The following ADAR variants were observed in gnomAD, a reference collection of about 807,000 sequenced individuals.
ADAR encodes the protein adenosine deaminase RNA specific.
ADAR carries 41 observed loss-of-function variants against 113.2 expected under a neutral mutation model. The ratio of observed to expected loss-of-function variants is 0.36; its 90% CI spans 0.28 to 0.47. The LOEUF (loss-of-function observed/expected upper bound fraction) is 0.47. Ranked by LOEUF, ADAR falls within the 20% of genes least tolerant of loss-of-function variation. The pLI is 1.00. For missense variants in ADAR, 1,242 were observed against 1,540.9 expected (o/e 0.81, Z 3.25); for synonymous variants, 605 against 572.6 (o/e 1.06, Z -0.81).
intron 3 of ADAR, among the ~76,000 whole-genome samples, 166 bp from the exon 4 acceptor site, chr1:154,598,142 G>A (rs1697628082): frequency 6.6e-6 from 1 of 152,218 alleles, no homozygotes; most frequent in African/African-American, 2.4e-5. Flanking sequence ...TCTTCCAAGA[G>A]AGGAGATTGG....
upstream of ADAR, chr1:154,608,309 C>T: frequency 2.2e-6 from 1 of 462,492 alleles, no homozygotes; most frequent in East Asian, 3.8e-5. Context: ...CCCTCCGCTG[C>T]ATGAGAACTA....
chr1:154,598,367 G>A, intron 3 of ADAR, 35 bp downstream of exon 3: 1 of 1,606,660 alleles, frequency 6.2e-7, no homozygotes. Flanking sequence ...CACTGACAGG[G>A]AACTGATCCT....
chr1:154,620,422 A>C (rs1698758808), intron 1 of ADAR, among the ~76,000 whole-genome samples: 1 of 152,110 alleles, frequency 6.6e-6, no homozygotes, highest in Non-Finnish European at 1.5e-5. Flanking sequence ...AAAAACAAAC[A>C]ATGGTTTAAG....
At chr1:154,604,458 C>T (rs543477120) in intron 1 of ADAR, among the ~76,000 whole-genome samples, 11 of 152,376 alleles carry the variant, frequency 7.2e-5, no homozygotes, top group Admixed American at 7.2e-4. Context: ...TTCTCCAAAG[C>T]TTCCCAGTGG....
chr1:154,619,224 A>G (rs975458476), intron 1 of ADAR, among the ~76,000 whole-genome samples: 4 of 152,224 alleles, frequency 2.6e-5, no homozygotes, highest in African/African-American at 9.6e-5. Flanking sequence ...CCCCAGCCCC[A>G]GAGGAAGGAT....
At chr1:154,600,622 C>A in intron 2 of ADAR, 1 of 265,476 alleles carries the variant, frequency 3.8e-6, no homozygotes, top group Non-Finnish European at 7.4e-6. Context: ...TACAGGTGCA[C>A]GCCACCACGC....
Position 154,584,596 on chromosome 1 carries a change from A to G in ADAR, c.*210T>C, listed in dbSNP as rs1696621471. On this transcript the variant is annotated 3_prime_UTR_variant, in exon 15 of 15. Coordinates refer to ENST00000368474, the MANE Select transcript of ADAR (RefSeq NM_001111.5). ...AGGTTTCTGCCTCTTCACTTGGGGG[A>G]AAAAAGGGGGGCCTGGCCAGACCTT... 1.8e-6 allele frequency: 1 copy of G among 561,676 alleles called. No homozygotes were observed. Among genetic ancestry groups the G allele is most frequent in the Admixed American group, 3.1e-5 (1 of 32,138 alleles). 34.8% of individuals were successfully genotyped at this position (561,676 alleles called of 1,614,324 possible).
At chr1:154,585,972 G>C (rs1448568650) in intron 12 of ADAR, 107 bp from the exon 13 acceptor site, 2 of 1,236,448 alleles carry the variant, frequency 1.6e-6, no homozygotes, top group African/African-American at 3.0e-5. Context: ...TGTCAAGAAA[G>C]AGAAACAGCT....
In ADAR at chr1:154,601,103, C is replaced by CTGGG; in HGVS notation, c.1535_1538dup (p.Gln513HisfsTer5). On this transcript the variant is annotated frameshift_variant, in exon 2 of 15. Coordinates refer to ENST00000368474, the MANE Select transcript of ADAR (RefSeq NM_001111.5). LOFTEE classifies it high-confidence loss of function. The surrounding 1 kb of genome is among the most constrained non-coding windows in gnomAD (Gnocchi z 4.7). ...TGAACTCACAGGTTTGACTAGCGAA[C>CTGGG]TGGGCATATTCTAACAGCCCGCTGA... 1 of 1,614,212 alleles carries CTGGG rather than the reference C, an allele frequency of 6.2e-7. No individual in the cohort carries two copies. Among genetic ancestry groups the CTGGG allele is most frequent in the Non-Finnish European group, 8.5e-7 (1 of 1,180,040 alleles).
At position 154,596,837 on chromosome 1, in the gene ADAR, C is replaced by T; in HGVS notation, c.2238G>A (p.Leu746=). 1.2e-6 allele frequency: 2 copies of T among 1,613,856 alleles called. No homozygotes were observed. The highest frequency in any genetic ancestry group is 2.2e-5 in the South Asian group (2 of 91,052). ...CGTGAGGAGGTCCGGACTGGTCGAC[C>T]AACTTGAATTCAGCAGCAAAGCCAT... ...RSHGFAAEFK[L]VDQSGPPHEP... is the part of the protein sequence containing the mutation. The change falls in exon 6 of 15, where the codon TTG becomes TTA. Residue 746 remains leucine (L), a synonymous_variant. Transcript: ENST00000368474.
chr1:154,606,494 G>A (rs1698197509), intron 1 of ADAR, among the ~76,000 whole-genome samples: 1 of 152,030 alleles, frequency 6.6e-6, no homozygotes. Flanking sequence ...ATGTGTATGT[G>A]TGCGCACAAT....
chr1:154,588,102 A>C (rs754294169), intron 11 of ADAR, 23 bp downstream of exon 11: 8 of 1,612,890 alleles, frequency 5.0e-6, no homozygotes, highest in Admixed American at 1.7e-5. Context: ...TGAGGAAAGG[A>C]GGCGGGGGCA....
upstream of ADAR, among the ~76,000 whole-genome samples, chr1:154,613,036 C>A (rs991653592): frequency 6.6e-6 from 1 of 151,998 alleles, no homozygotes; most frequent in Non-Finnish European, 1.5e-5. Context: ...TGGTCTCAAT[C>A]TCCTGACTTC....
chr1:154,587,160 C>T (rs555510892), intron 11 of ADAR, among the ~76,000 whole-genome samples: 5 of 152,296 alleles, frequency 3.3e-5, no homozygotes, highest in African/African-American at 1.2e-4. Context: ...CTCTCCCACT[C>T]CTGGCCCTGG....
chr1:154,592,691 G>A (rs543723201), intron 6 of ADAR, among the ~76,000 whole-genome samples: 1 of 152,160 alleles, frequency 6.6e-6, no homozygotes, highest in South Asian at 2.1e-4. Flanking sequence ...TTACTAAGCT[G>A]GGAAAGACTT....
At position 154,608,146 on chromosome 1, in the gene ADAR, C is replaced by G. The variant is rs1302681453; in HGVS notation, c.-140G>C. On this transcript the variant is annotated 5_prime_UTR_variant, in exon 1 of 15. Coordinates refer to ENST00000368474, the MANE Select transcript of ADAR (RefSeq NM_001111.5). ...GGCCCCGGGGCGTCGGCACGGGAAA[C>G]TCCGCGGGTCTGCGCGCCGGGCCCA... The G allele has an allele frequency of 6.4e-6, 7 of 1,090,368 alleles. No individual in the cohort carries two copies. The highest frequency in any genetic ancestry group is 1.7e-5 in the African/African-American group (1 of 59,068). 67.5% of individuals were successfully genotyped at this position (1,090,368 alleles called of 1,614,324 possible). A position where few individuals can be genotyped will look rare whatever the true frequency, so the allele number is the denominator to read the frequency against.
chr1:154,604,721 C>T (rs956779018), intron 1 of ADAR, among the ~76,000 whole-genome samples: 3 of 152,074 alleles, frequency 2.0e-5, no homozygotes, highest in Admixed American at 6.5e-5. Context: ...ACTGTATTAA[C>T]GGATCCACCC....
At chr1:154,616,616 T>C (rs192064219) in intron 1 of ADAR, among the ~76,000 whole-genome samples, 2 of 152,350 alleles carry the variant, frequency 1.3e-5, no homozygotes, top group East Asian at 1.9e-4. Context: ...TATTTACACT[T>C]GTAATTTTAC....
chr1:154,618,883 G>A (rs775687822), intron 1 of ADAR, among the ~76,000 whole-genome samples: 4 of 152,212 alleles, frequency 2.6e-5, no homozygotes, highest in Non-Finnish European at 5.9e-5. Flanking sequence ...TCCGAGGCAG[G>A]TGGATCACCT....
Sources: allele counts gnomAD v4.1 joint callset (sites outside exome capture counted in the v4.1 genomes callset), GRCh38; gene constraint gnomAD v4.1.1; non-coding constraint Gnocchi (gnomAD v3.1); transcripts MANE v1.5; gene names NCBI Gene and HGNC (gene_info 2026-07-23, HGNC 2026-07-21).